Variants in GBP2 observed in about 807,000 individuals in gnomAD.
GBP2 encodes the protein guanylate binding protein 2, also known as guanylate-binding protein 2.
Under a neutral mutation model 60.8 loss-of-function variants are expected in GBP2, and 54 were observed. That is an observed-to-expected ratio of 0.89 (90% CI 0.71 to 1.11). The LOEUF is 1.11. Ranked by LOEUF, GBP2 falls within the 50% of genes most tolerant of loss-of-function variation. GBP2 has a pLI of 0.00. For synonymous variants in GBP2, 243 were observed against 256.5 expected, an observed-to-expected ratio of 0.95 and a Z score of 0.50; for missense variants, 665 against 703.3, an observed-to-expected ratio of 0.95 and a Z score of 0.62.
chr1:89,117,286 TATG>T (rs746702811), intron 5 of GBP2, 52 bp from the exon 6 acceptor site: 1 of 1,442,812 alleles, frequency 6.9e-7, no homozygotes, highest in East Asian at 2.3e-5. Flanking sequence ...TTACTTCAAA[TATG>T]ATCTTTCAAT....
At position 89,106,600 on chromosome 1, in the gene GBP2, TA is replaced by T. The variant is rs1461816499; in HGVS notation, c.*1574del. On this transcript the variant is annotated 3_prime_UTR_variant, in exon 11 of 11. Coordinates refer to ENST00000370466, the MANE Select transcript of GBP2 (RefSeq NM_004120.5). Reference sequence around the variant, plus strand: ...AAAAATACTAACTCAAGTCTTAGGTTATTCCTACTATAAGATTTATCTCCAT... The same window carrying T: ...AAAAATACTAACTCAAGTCTTAGGTTTTCCTACTATAAGATTTATCTCCAT... 2.0e-5 allele frequency: 3 copies of T among 152,340 alleles called. No homozygotes were observed. In the East Asian group the frequency reaches 5.8e-4, roughly 29 times the overall value. The allele number at this position is 152,340 out of a possible 1,614,324, so 9.4% of individuals were successfully genotyped here. A position where few individuals can be genotyped will look rare whatever the true frequency, so the allele number is the denominator to read the frequency against.
At chr1:89,123,200 C>A (rs1207034230) in intron 1 of GBP2, among the ~76,000 whole-genome samples, 1 of 152,160 alleles carries the variant, frequency 6.6e-6, no homozygotes, top group Non-Finnish European at 1.5e-5. Context: ...TTAGAATCGA[C>A]CATTTCTCCC....
intron 1 of GBP2, among the ~76,000 whole-genome samples, chr1:89,123,321 T>G (rs1681447471): frequency 6.6e-6 from 1 of 152,236 alleles, no homozygotes; most frequent in Non-Finnish European, 1.5e-5. Flanking sequence ...GAAATCTATG[T>G]TTATATACCA....
At chr1:89,112,369 A>G in intron 8 of GBP2, 103 bp downstream of exon 8, 4 of 865,962 alleles carry the variant, frequency 4.6e-6, no homozygotes, top group Non-Finnish European at 7.5e-6. Flanking sequence ...TGAAAGGCAG[A>G]GGCCCTAGGC....
chr1:89,114,250 C>T lies in GBP2; in HGVS notation c.915G>A (p.Gly305=). 2 of 1,614,184 alleles carry T rather than the reference C, an allele frequency of 1.2e-6. No individual in the cohort carries two copies. The highest frequency in any genetic ancestry group is 1.7e-6 in the Non-Finnish European group (2 of 1,180,028). Residue 305 remains glycine (G), a synonymous_variant, in exon 7 of 11, where the codon GGG becomes GGA. Coordinates refer to ENST00000370466, the MANE Select transcript of GBP2 (RefSeq NM_004120.5). ...CTGCGTTCTCCATGCAGGGTAGATCCCCACTGCTGATGGCATTGACGTAGG... is the reference window on the plus strand; with the variant it reads ...CTGCGTTCTCCATGCAGGGTAGATCTCCACTGCTGATGGCATTGACGTAGG... ...VLTYVNAISS[G]DLPCMENAVL... is the part of the protein sequence containing the mutation.
chr1:89,122,008 A>G, intron 1 of GBP2, 25 bp from the exon 2 acceptor site: 1 of 1,537,146 alleles, frequency 6.5e-7, no homozygotes, highest in Non-Finnish European at 8.8e-7. Flanking sequence ...AAAAGATGAA[A>G]TGGAAAGCAG....
chr1:89,117,432 T>C lies in GBP2; in HGVS notation c.625+145A>G, dbSNP rs1386668062. 5 of 896,380 alleles carry C rather than the reference T, an allele frequency of 5.6e-6. No individual in the cohort carries two copies. In the East Asian group the frequency reaches 1.0e-4, roughly 18 times the overall value. The allele number at this position is 896,380 out of a possible 1,614,324, so 55.5% of individuals were successfully genotyped here. ...AATTTAAAATTGGTTCCAACTGATA[T>C]AGTCAAGCAATGTTTCCATTTCCTC... On this transcript the variant is annotated intron_variant, in intron 5 of 10. Coordinates refer to ENST00000370466, the MANE Select transcript of GBP2 (RefSeq NM_004120.5).
At chr1:89,110,953 T>C (rs1306720563) in intron 8 of GBP2, among the ~76,000 whole-genome samples, 8 of 152,128 alleles carry the variant, frequency 5.3e-5, no homozygotes, top group Non-Finnish European at 7.4e-5. Context: ...AAAGGATCAC[T>C]CATCATGACC....
rs754116605 is a variant in GBP2 at position 89,121,777 on chromosome 1, C to A, written c.190G>T (p.Gly64Cys). The A allele has an allele frequency of 1.2e-6, 2 of 1,613,502 alleles. No homozygotes were observed. The highest frequency in any genetic ancestry group is 1.7e-6 in the Non-Finnish European group (2 of 1,179,624). Reference protein sequence around the residue: ...LMNKLAGKKNGFSLGSTVKSH... With the variant: ...LMNKLAGKKNCFSLGSTVKSH... Reference sequence around the variant, plus strand: ...TTAGAGCTTTGCTGGTGTCACTCACCGTTTTTCTTCCCAGCCAGCTTGTTC... The same window carrying A: ...TTAGAGCTTTGCTGGTGTCACTCACAGTTTTTCTTCCCAGCCAGCTTGTTC... The change falls in exon 2 of 11, where the codon GGC (glycine) becomes TGC (cysteine). Residue 64 changes from glycine to cysteine, a missense_variant and splice_region_variant. Coordinates refer to ENST00000370466, the MANE Select transcript of GBP2 (RefSeq NM_004120.5).
chr1:89,114,585 C>T (rs1681231107), intron 6 of GBP2, among the ~76,000 whole-genome samples: 1 of 152,168 alleles, frequency 6.6e-6, no homozygotes, highest in Admixed American at 6.5e-5. Context: ...TCCCTCTATT[C>T]CCTTTCTCTC....
intron 6 of GBP2, 101 bp downstream of exon 6, chr1:89,116,891 T>C: frequency 8.8e-7 from 1 of 1,140,070 alleles, no homozygotes; most frequent in Non-Finnish European, 1.3e-6. Context: ...ATCAATAGAC[T>C]ATGCATTTGT....
intron 5 of GBP2, 139 bp from the exon 6 acceptor site, chr1:89,117,373 G>A (rs2100616666): frequency 2.2e-6 from 2 of 919,780 alleles, no homozygotes; most frequent in East Asian, 2.6e-5. Flanking sequence ...AAGGGGTAGA[G>A]AAAGGAAAGT....
chr1:89,111,941 A>T (rs114000451), intron 8 of GBP2, among the ~76,000 whole-genome samples: 2 of 152,192 alleles, frequency 1.3e-5, no homozygotes, highest in Non-Finnish European at 2.9e-5. Context: ...ACTATGTACC[A>T]TATGTACCCA....
intron 10 of GBP2, 109 bp downstream of exon 10, chr1:89,109,568 T>C (rs1302841871): frequency 1.0e-5 from 8 of 799,764 alleles, no homozygotes; most frequent in Non-Finnish European, 1.6e-5. Flanking sequence ...AAAAATGTAG[T>C]AGTGTCTGGG....
rs761695136 is a variant in GBP2 at position 89,117,042 on chromosome 1, C to T, written c.818G>A (p.Ser273Asn). 6.2e-7 allele frequency: 1 copy of T among 1,614,034 alleles called. No individual in the cohort carries two copies. The highest frequency in any genetic ancestry group is 1.7e-5 in the Admixed American group (1 of 60,020). The change falls in exon 6 of 11, where the codon AGC becomes AAC. Residue 273 changes from serine (S) to asparagine (N), a missense_variant. Ser to Asn is a conservative substitution (Grantham distance 46). Transcript: ENST00000370466. ...TGAAAGAGTCTTGACATTGGAATGG[C>T]TGAGGATGTAGGAACAAAATTCTGC... ...QVAEFCSYILSHSNVKTLSGG... is the reference protein window; with the variant it reads ...QVAEFCSYILNHSNVKTLSGG...
chr1:89,118,988 T>C (rs1462596260), intron 4 of GBP2: 1 of 152,214 alleles, frequency 6.6e-6, no homozygotes, highest in Non-Finnish European at 1.5e-5. Context: ...TTGCTCATGC[T>C]TGGGAATACA....
At chr1:89,111,024 T>C (rs959317904) in intron 8 of GBP2, among the ~76,000 whole-genome samples, 2 of 152,180 alleles carry the variant, frequency 1.3e-5, no homozygotes, top group Non-Finnish European at 2.9e-5. Context: ...ATCAATGTGA[T>C]AAATTCTATC....
intron 1 of GBP2, among the ~76,000 whole-genome samples, chr1:89,125,318 A>G (rs1294903307): frequency 2.0e-5 from 3 of 152,204 alleles, no homozygotes; most frequent in African/African-American, 7.2e-5. Context: ...AATGGCAAAA[A>G]AACTATTTTT....
chr1:89,113,428 A>G (rs576094150), intron 7 of GBP2, among the ~76,000 whole-genome samples: 24 of 152,332 alleles, frequency 1.6e-4, no homozygotes, highest in Admixed American at 4.6e-4. Context: ...TCGGCTATCT[A>G]GCTTCACCAG....
Sources: allele counts gnomAD v4.1 joint callset (sites outside exome capture counted in the v4.1 genomes callset), GRCh38; gene constraint gnomAD v4.1.1; transcripts MANE v1.5; gene names NCBI Gene and HGNC (gene_info 2026-07-23, HGNC 2026-07-21).